Variants in C11orf65 observed in about 807,000 individuals in gnomAD.
The protein encoded by C11orf65 is chromosome 11 open reading frame 65, also known as protein MFI.
C11orf65 carries 38 observed loss-of-function variants against 35.3 expected under a neutral mutation model. The ratio of observed to expected loss-of-function variants is 1.08; its 90% confidence interval spans 0.83 to 1.41. The LOEUF (loss-of-function observed/expected upper bound fraction) is 1.41. C11orf65 is among the 40% of genes most tolerant of loss of function. The pLI is 0.00. For synonymous variants in C11orf65, 105 were observed against 114.4 expected (o/e 0.92, Z 0.53); for missense variants, 370 against 367.1 (o/e 1.01, Z -0.06).
At position 108,365,505 on chromosome 11, in the gene C11orf65, G is replaced by A. The variant is rs1591388522; in HGVS notation, c.226+27703C>T. 3 of 1,614,076 alleles carry A rather than the reference G, an allele frequency of 1.9e-6. No homozygotes were observed. The highest frequency in any genetic ancestry group is 1.1e-5 in the South Asian group (1 of 91,062). Reference sequence around the variant, plus strand: ...TTTTCCCAGGATGGAAAGCTTGGGTGTGATCTTCAGTATATGAATTACCCT... The same window carrying A: ...TTTTCCCAGGATGGAAAGCTTGGGTATGATCTTCAGTATATGAATTACCCT... On this transcript the variant is annotated intron_variant, in intron 2 of 3. Transcript: ENST00000524755.
chr11:108,379,661 C>T (rs991861662), downstream of C11orf65, among the ~76,000 whole-genome samples: 2 of 151,304 alleles, frequency 1.3e-5, no homozygotes, highest in Non-Finnish European at 3.0e-5. Flanking sequence ...AAAGGAAAAT[C>T]CATAGCTCCT....
At chr11:108,317,228 C>T (rs2084755111) in intron 6 of C11orf65, 3 of 783,244 alleles carry the variant, frequency 3.8e-6, no homozygotes, top group Non-Finnish European at 6.1e-6. Flanking sequence ...CATGAGCCAC[C>T]ACACCCAGCT....
intron 6 of C11orf65, among the ~76,000 whole-genome samples, chr11:108,323,054 C>T (rs1430418831): frequency 1.3e-5 from 2 of 151,794 alleles, no homozygotes; most frequent in East Asian, 1.9e-4. Flanking sequence ...TATTATTATA[C>T]GAGGGAAGAA....
Position 108,406,836 on chromosome 11 carries a change from T to C in C11orf65, c.356A>G (p.His119Arg). ...GCCACTATGATCCTCTTCCTGAAGA[T>C]GATCATTTTTATTATGAGATGTATG... ...AKHTSHNKNDHLQEEDHSGWY... is the reference protein window; with the variant it reads ...AKHTSHNKNDRLQEEDHSGWY... Residue 119 changes from histidine (H) to arginine (R), a missense_variant, in exon 5 of 9, where the codon CAT becomes CGT. Physicochemically the swap from His to Arg is conservative, Grantham distance 29. Coordinates refer to ENST00000393084, the MANE Select transcript of C11orf65 (RefSeq NM_152587.5). 6.2e-7 allele frequency: 1 copy of C among 1,612,736 alleles called. No individual in the cohort carries two copies.
At chr11:108,458,248 G>A (rs906119796) in intron 2 of C11orf65, among the ~76,000 whole-genome samples, 5 of 150,204 alleles carry the variant, frequency 3.3e-5, no homozygotes, top group Admixed American at 2.7e-4. Context: ...GGCACGTGCC[G>A]GTATCCCACC....
At chr11:108,354,888 T>G in intron 2 of C11orf65, 1 of 1,603,856 alleles carries the variant, frequency 6.2e-7, no homozygotes, top group Non-Finnish European at 8.5e-7. Flanking sequence ...AAGTATTTTA[T>G]AAGGAAGACT....
chr11:108,411,208 C>A (rs929302269), intron 3 of C11orf65, among the ~76,000 whole-genome samples: 6 of 152,076 alleles, frequency 3.9e-5, no homozygotes, highest in Non-Finnish European at 5.9e-5. Context: ...AAAATATATT[C>A]TAATTTTCTC....
chr11:108,364,542 CT>C (rs1456362744), intron 2 of C11orf65, among the ~76,000 whole-genome samples: 1 of 152,132 alleles, frequency 6.6e-6, no homozygotes, highest in Non-Finnish European at 1.5e-5. Context: ...CAAATTATAC[CT>C]TTCTGGATCC....
At chr11:108,311,934 T>G (rs928749741) in intron 6 of C11orf65, among the ~76,000 whole-genome samples, 3 of 152,200 alleles carry the variant, frequency 2.0e-5, no homozygotes, top group Admixed American at 1.3e-4. Context: ...TGTCAAACTT[T>G]CTAGTTTTAT....
upstream of C11orf65, among the ~76,000 whole-genome samples, chr11:108,469,244 C>T (rs766557121): frequency 6.6e-6 from 1 of 150,604 alleles, no homozygotes; most frequent in East Asian, 2.0e-4. Flanking sequence ...TTCAAAATTA[C>T]ACAACAATGT....
chr11:108,384,650 A>C (rs1453838984), intron 8 of C11orf65, among the ~76,000 whole-genome samples: 1 of 152,028 alleles, frequency 6.6e-6, no homozygotes, highest in East Asian at 1.9e-4. Context: ...GTGTGTGCCT[A>C]TGGTCCCAGC....
At position 108,312,472 on chromosome 11, in the gene C11orf65, AAAG is replaced by A. The variant is rs1555111872; in HGVS notation, c.641-3404_641-3402del. On this transcript the variant is annotated intron_variant, in intron 6 of 6. Coordinates refer to the C11orf65 transcript ENST00000525729. ...TATTTCTAGCTTGAGTGAAAAAAGT[AAAG>A]AAGAAACTGGAATAAGTTTACAGGT... is the stretch of plus-strand genomic sequence containing the variant. The A allele has an allele frequency of 1.9e-6, 3 of 1,586,834 alleles. No homozygotes were observed. Among genetic ancestry groups the A allele is most frequent in the South Asian group, 1.1e-5 (1 of 90,482 alleles).
intron 6 of C11orf65, among the ~76,000 whole-genome samples, chr11:108,311,806 T>C (rs987398786): frequency 6.6e-6 from 1 of 152,232 alleles, no homozygotes; most frequent in African/African-American, 2.4e-5. Context: ...ATTACTGTTA[T>C]AGACACCACA....
chr11:108,409,772 C>T (rs1328012261), intron 3 of C11orf65, among the ~76,000 whole-genome samples: 2 of 152,134 alleles, frequency 1.3e-5, no homozygotes, highest in Non-Finnish European at 2.9e-5. Context: ...ACATTAGATT[C>T]TCATAGGTGC....
Position 108,393,241 on chromosome 11 carries a change from A to G in C11orf65, c.698T>C (p.Val233Ala), listed in dbSNP as rs767738825. 6.2e-7 allele frequency: 1 copy of G among 1,614,050 alleles called. No individual in the cohort carries two copies. The highest frequency in any genetic ancestry group is 8.5e-7 in the Non-Finnish European group (1 of 1,179,984). ...DSVMEWEVDE[V>A]LNWTNTLNFD... Reference sequence around the variant, plus strand: ...GTTCAGTGTATTTGTCCAGTTCAGCACTTCATCCACTTCCCATTCCATCAC... The same window carrying G: ...GTTCAGTGTATTTGTCCAGTTCAGCGCTTCATCCACTTCCCATTCCATCAC... Residue 233 changes from valine (V) to alanine (A), a missense_variant, in exon 7 of 9, where the codon GTG (valine) becomes GCG (alanine). By Grantham distance (64) the Val-to-Ala change is moderately conservative (BLOSUM62 0). Transcript: ENST00000393084.
intron 3 of C11orf65, chr11:108,333,764 A>G (rs371549412): frequency 6.0e-6 from 5 of 831,748 alleles, no homozygotes; most frequent in Admixed American, 5.4e-5. Flanking sequence ...TCATTTCTCA[A>G]TCAGAGCCTG....
At chr11:108,328,943 A>G (rs1438957721), downstream of C11orf65, 14 of 1,395,294 alleles carry the variant, frequency 1.0e-5, no homozygotes, top group Non-Finnish European at 1.4e-5. Context: ...ATTTTAGTGT[A>G]TTACCTTAAT....
chr11:108,411,564 A>T (rs968908360), intron 3 of C11orf65, among the ~76,000 whole-genome samples: 1 of 152,202 alleles, frequency 6.6e-6, no homozygotes, highest in Non-Finnish European at 1.5e-5. Context: ...TGTTTCTATC[A>T]GTTACCAAGA....
chr11:108,405,325 C>T, intron 6 of C11orf65, 104 bp downstream of exon 6: 1 of 1,165,522 alleles, frequency 8.6e-7, no homozygotes. Context: ...TGCGGGCAGA[C>T]CCCCTGCAGC....
Sources: gnomAD v4.1 joint callset for allele counts (sites outside exome capture counted in the v4.1 genomes callset) on GRCh38, gnomAD v4.1.1 for gene constraint, MANE v1.5 for transcripts, NCBI Gene and HGNC (gene_info 2026-07-23, HGNC 2026-07-21) for gene names.